The following C2 variants were observed in gnomAD, a reference collection of about 807,000 sequenced individuals.
C2 encodes complement C2.
A neutral mutation model predicts 85.2 loss-of-function variants in C2; 64 were observed. That is an observed-to-expected ratio of 0.75 (90% confidence interval 0.61 to 0.92). The LOEUF (loss-of-function observed/expected upper bound fraction) is 0.92. Ranked by LOEUF, C2 falls within the 40% of genes least tolerant of loss-of-function variation. The pLI is 0.00. For missense variants in C2, 820 were observed against 971.6 expected, an observed-to-expected ratio of 0.84 and a Z score of 2.07; for synonymous variants, 311 against 370.8, an observed-to-expected ratio of 0.84 and a Z score of 1.85.
chr6:31,915,060 G>A (rs547842420), upstream of C2, among the ~76,000 whole-genome samples: 2 of 152,286 alleles, frequency 1.3e-5, no homozygotes, highest in East Asian at 1.9e-4. Flanking sequence ...CCTCATTTCT[G>A]TGCTTGCTTT....
intron 8 of C2, 82 bp from the exon 9 acceptor site, chr6:31,939,149 A>G: frequency 1.0e-6 from 1 of 976,908 alleles, no homozygotes; most frequent in Non-Finnish European, 1.7e-6. Context: ...TGAGGTTCCC[A>G]GGCTAAATGC....
chr6:31,935,580 C>T lies in C2; in HGVS notation c.850-343C>T, dbSNP rs190743728. On this transcript the variant is annotated intron_variant, in intron 6 of 17. Coordinates refer to ENST00000299367, the MANE Select transcript of C2 (RefSeq NM_000063.6). This position sits in a 1 kb window ranked among gnomAD's most constrained non-coding sequence, Gnocchi z 4.3. Reference sequence around the variant, plus strand: ...TGCCTCCTGGGTTCAAGTGATTCTTCTGCCTCAGCCTCCTGAGTAGCTGGG... The same window carrying T: ...TGCCTCCTGGGTTCAAGTGATTCTTTTGCCTCAGCCTCCTGAGTAGCTGGG... 8.5e-5 allele frequency among the ~76,000 whole-genome samples: 13 copies of T among 152,214 alleles called. No individual in the cohort carries two copies. In the East Asian group the frequency reaches 2.5e-3, roughly 29 times the overall value.
At chr6:31,915,556 G>A (rs1404541902), upstream of C2, among the ~76,000 whole-genome samples, 2 of 152,162 alleles carry the variant, frequency 1.3e-5, no homozygotes, top group African/African-American at 4.8e-5. Context: ...AACAACCCTG[G>A]AATCTCAGTA....
rs757311436 is a variant in C2, at chr6:31,945,301, A to T, written c.2203A>T (p.Met735Leu). The change falls in exon 18 of 18, where the codon ATG (methionine) becomes TTG (leucine). Residue 735 changes from methionine (M) to leucine (L), a missense_variant. Met to Leu is a conservative substitution (Grantham distance 15). Coordinates refer to ENST00000299367, the MANE Select transcript of C2 (RefSeq NM_000063.6). The surrounding 1 kb of genome is among the most constrained non-coding windows in gnomAD (Gnocchi z 5.3). Reference sequence around the variant, plus strand: ...AGACTTTCACATCAATCTCTTCCGCATGCAGCCCTGGCTGAGGCAGCACCT... The same window carrying T: ...AGACTTTCACATCAATCTCTTCCGCTTGCAGCCCTGGCTGAGGCAGCACCT... ...PRDFHINLFR[M>L]QPWLRQHLGD... 12 of 1,612,898 alleles carry T rather than the reference A, an allele frequency of 7.4e-6. No individual in the cohort carries two copies. The South Asian group carries it at 9.9e-5, about 13-fold the overall frequency.
chr6:31,918,894 A>AAT (rs1388145791), upstream of C2, among the ~76,000 whole-genome samples: 1 of 151,398 alleles, frequency 6.6e-6, no homozygotes, highest in Non-Finnish European at 1.5e-5. Context: ...AAAAAAAAAA[A>AAT]AAAAAAAAAA....
chr6:31,908,566 T>G (rs1265734068), intron 1 of C2, among the ~76,000 whole-genome samples: 1 of 150,784 alleles, frequency 6.6e-6, no homozygotes, highest in African/African-American at 2.4e-5. Context: ...GCAGGAGAAT[T>G]GCTTGAACCC....
At position 31,920,667 on chromosome 6, in the gene C2, G is replaced by C. The variant is rs1386596173; in HGVS notation, c.-100+641G>C. Among the ~76,000 whole-genome samples the C allele has an allele frequency of 2.0e-5, 3 of 152,200 alleles. No homozygotes were observed. The highest frequency in any genetic ancestry group is 4.4e-5 in the Non-Finnish European group (3 of 68,032). On this transcript the variant is annotated intron_variant, in intron 1 of 3. Transcript: ENST00000413154. This position sits in a 1 kb window ranked among gnomAD's most constrained non-coding sequence, Gnocchi z 5.6. ...GCCCAAGGACAGTGGAGACCTCAGA[G>C]GGCTGAGGTAAGAGCTGCGGTGTGG...
At position 31,927,735 on chromosome 6, in the gene C2, G is replaced by A. The variant is rs189454050; in HGVS notation, c.-18G>A. The stretch of plus-strand genomic sequence containing the variant: ...CTCCCGCGGCTCTCTACCTCTCGCC[G>A]CCCCTAGGGAGGACACCATGGGCCC... On this transcript the variant is annotated 5_prime_UTR_variant, in exon 1 of 18. Transcript: ENST00000299367. This position sits in a 1 kb window ranked among gnomAD's most constrained non-coding sequence, Gnocchi z 4.7. 14 of 1,612,998 alleles carry A rather than the reference G, an allele frequency of 8.7e-6. No individual in the cohort carries two copies. The Admixed American group carries it at 1.3e-4, about 15-fold the overall frequency.
At position 31,942,969 on chromosome 6, in the gene C2, C is replaced by T; in HGVS notation, c.1230C>T (p.Ala410=). The T allele has an allele frequency of 1.2e-6, 2 of 1,613,064 alleles. No individual in the cohort carries two copies. The highest frequency in any genetic ancestry group is 8.5e-7 in the Non-Finnish European group (1 of 1,180,038). ...CCTCTTCCCCACCAGACATCTATGC[C>T]ATCGGGGTGGGCAAGCTGGATGTGG... ...QKRNDYLDIY[A]IGVGKLDVDW... is the part of the protein sequence containing the mutation. Residue 410 remains alanine, a synonymous_variant, in exon 10 of 18, where the codon GCC becomes GCT. Transcript: ENST00000299367.
chr6:31,945,455 C>T lies in C2; in HGVS notation c.*98C>T, dbSNP rs1771323926. The stretch of plus-strand genomic sequence containing the variant: ...CCTTAGACCCTGTGATCCATCCTCT[C>T]TCCTAGCTGAGTAAATCCGGGTCTC... On this transcript the variant is annotated 3_prime_UTR_variant, in exon 18 of 18. Coordinates refer to ENST00000299367, the MANE Select transcript of C2 (RefSeq NM_000063.6). The surrounding 1 kb of genome is among the most constrained non-coding windows in gnomAD (Gnocchi z 5.3). The T allele has an allele frequency of 2.6e-6, 3 of 1,172,924 alleles. No individual in the cohort carries two copies. The Admixed American group carries it at 5.2e-5, about 20-fold the overall frequency. The allele number at this position is 1,172,924 out of a possible 1,614,324, so 72.7% of individuals were successfully genotyped here. A position where few individuals can be genotyped will look rare whatever the true frequency, so the allele number is the denominator to read the frequency against.
upstream of C2, chr6:31,900,515 T>G (rs1767137054): frequency 1.2e-6 from 2 of 1,611,320 alleles, no homozygotes; most frequent in Non-Finnish European, 1.7e-6. The surrounding 1 kb of genome is among the most constrained non-coding windows in gnomAD (Gnocchi z 9.7). Flanking sequence ...ATAGCAGGCC[T>G]TCACCACACC....
At chr6:31,898,772 TC>T (rs1270494776), upstream of C2, among the ~76,000 whole-genome samples, 1 of 151,930 alleles carries the variant, frequency 6.6e-6, no homozygotes, top group African/African-American at 2.4e-5. Flanking sequence ...CTAGCACTGA[TC>T]CTAAGTCCCT....
intron 8 of C2, among the ~76,000 whole-genome samples, chr6:31,938,481 CATAT>C (rs28993458): frequency 1.4e-5 from 2 of 142,984 alleles, no homozygotes; most frequent in African/African-American, 5.2e-5. Context: ...TGTATACATA[CATAT>C]ATATATATAT....
Position 31,928,867 on chromosome 6 carries a change from G to T in C2, c.392G>T (p.Cys131Phe). ...TTGCGGGGCTCGCCTGTGCGTCAGT[G>T]TCGCCCCAACGGCATGTGGGATGGA... ...FILRGSPVRQ[C>F]RPNGMWDGET... The change falls in exon 3 of 18, where the codon TGT becomes TTT. Residue 131 changes from cysteine to phenylalanine, a missense_variant. By Grantham distance (205) the Cys-to-Phe change is radical. Coordinates refer to ENST00000299367, the MANE Select transcript of C2 (RefSeq NM_000063.6). 6.2e-7 allele frequency: 1 copy of T among 1,614,248 alleles called. No individual in the cohort carries two copies. The highest frequency in any genetic ancestry group is 8.5e-7 in the Non-Finnish European group (1 of 1,180,034).
intron 3 of C2, among the ~76,000 whole-genome samples, chr6:31,930,538 T>C (rs1007699338): frequency 1.3e-5 from 2 of 152,204 alleles, no homozygotes; most frequent in Non-Finnish European, 2.9e-5. Flanking sequence ...GTCATAGTTA[T>C]TGCTGCCCCT....
At chr6:31,908,158 T>C (rs1247381408) in intron 1 of C2, among the ~76,000 whole-genome samples, 1 of 151,160 alleles carries the variant, frequency 6.6e-6, no homozygotes, top group Non-Finnish European at 1.5e-5. Context: ...TTTTTTTTTT[T>C]TTTTAATTAA....
chr6:31,918,205 A>G (rs1352474989), upstream of C2, among the ~76,000 whole-genome samples: 2 of 150,892 alleles, frequency 1.3e-5, no homozygotes, highest in Admixed American at 6.6e-5. Context: ...GGATTGTGGA[A>G]GCCCAGGAGT....
At chr6:31,932,720 C>T (rs1288601755) in intron 3 of C2, among the ~76,000 whole-genome samples, 7 of 152,092 alleles carry the variant, frequency 4.6e-5, no homozygotes, top group African/African-American at 7.2e-5. Flanking sequence ...GGGTGGCGGC[C>T]GGGCAGAGGC....
chr6:31,916,027 G>A (rs529417124), upstream of C2, among the ~76,000 whole-genome samples: 1 of 152,302 alleles, frequency 6.6e-6, no homozygotes, highest in African/African-American at 2.4e-5. Context: ...GTATATGGAT[G>A]GATTATAACT....
Sources: allele counts gnomAD v4.1 joint callset (sites outside exome capture counted in the v4.1 genomes callset), GRCh38; gene constraint gnomAD v4.1.1; non-coding constraint Gnocchi (gnomAD v3.1); transcripts MANE v1.5; gene names NCBI Gene and HGNC (gene_info 2026-07-23, HGNC 2026-07-21).